SPAG1: variants seen among roughly 807,000 people sequenced by gnomAD.
SPAG1 encodes the protein sperm associated antigen 1.
In SPAG1, 69 loss-of-function variants were observed where a neutral mutation model predicts 100.5. The ratio of observed to expected loss-of-function variants is 0.69; its 90% CI spans 0.57 to 0.84. SPAG1 has a LOEUF of 0.84. Ranked by LOEUF, SPAG1 falls within the 40% of genes least tolerant of loss-of-function variation. The pLI, the probability that SPAG1 is intolerant of heterozygous loss-of-function variation, is 0.00. For synonymous variants in SPAG1, 336 were observed against 411.6 expected (o/e 0.82, Z 2.22); for missense variants, 955 against 1,133.1 (o/e 0.84, Z 2.26).
At chr8:100,180,818 A>G (rs1197350759) in intron 4 of SPAG1, among the ~76,000 whole-genome samples, 1 of 152,226 alleles carries the variant, frequency 6.6e-6, no homozygotes, top group Non-Finnish European at 1.5e-5. Context: ...CTTAGTCCAA[A>G]TCATTGACCT....
At chr8:100,198,738 T>C (rs1817140136) in intron 10 of SPAG1, among the ~76,000 whole-genome samples, 1 of 152,212 alleles carries the variant, frequency 6.6e-6, no homozygotes, top group African/African-American at 2.4e-5. Flanking sequence ...TTTCAGAACA[T>C]TTTTATCATC....
intron 10 of SPAG1, among the ~76,000 whole-genome samples, chr8:100,204,403 T>G (rs191307179): frequency 1.5e-4 from 23 of 152,198 alleles, no homozygotes; most frequent in Admixed American, 1.0e-3. Flanking sequence ...GAATGGATAT[T>G]AAGGGTGTGG....
At chr8:100,162,474 T>A in intron 2 of SPAG1, 54 bp downstream of exon 2, 2 of 1,369,142 alleles carry the variant, frequency 1.5e-6, no homozygotes, top group Non-Finnish European at 2.0e-6. Context: ...AATTATCTTG[T>A]TGTTACCTTC....
intron 1 of SPAG1, among the ~76,000 whole-genome samples, chr8:100,160,350 G>A (rs191404805): frequency 7.2e-5 from 11 of 152,246 alleles, no homozygotes; most frequent in Admixed American, 3.9e-4. Context: ...TACAGGGCAC[G>A]GCACGGTGGC....
intron 16 of SPAG1, among the ~76,000 whole-genome samples, chr8:100,237,966 T>C (rs1177673205): frequency 6.6e-6 from 1 of 152,188 alleles, no homozygotes; most frequent in Non-Finnish European, 1.5e-5. Context: ...CTTCTGGTCA[T>C]TGCTGTTGTG....
intron 4 of SPAG1, among the ~76,000 whole-genome samples, chr8:100,183,076 C>T (rs149284028): frequency 1.3e-5 from 2 of 152,112 alleles, no homozygotes; most frequent in Non-Finnish European, 2.9e-5. Flanking sequence ...CAGGTTCAAG[C>T]AATTCTCATG....
intron 10 of SPAG1, among the ~76,000 whole-genome samples, chr8:100,196,582 G>C (rs923098300): frequency 6.6e-6 from 1 of 152,102 alleles, no homozygotes; most frequent in Non-Finnish European, 1.5e-5. Flanking sequence ...GTTAAGTCCT[G>C]AGAATTCTTT....
chr8:100,240,963 C>A lies in SPAG1; in HGVS notation c.2722C>A (p.Pro908Thr). The A allele has an allele frequency of 6.2e-7, 1 of 1,612,472 alleles. No homozygotes were observed. The highest frequency in any genetic ancestry group is 8.5e-7 in the Non-Finnish European group (1 of 1,179,468). The change falls in exon 19 of 19, where the codon CCA (proline) becomes ACA (threonine). Residue 908 changes from proline (P) to threonine (T), a missense_variant. Pro to Thr is a conservative substitution (Grantham distance 38, BLOSUM62 -1). Coordinates refer to ENST00000388798, the MANE Select transcript of SPAG1 (RefSeq NM_003114.5). Reference sequence around the variant, plus strand: ...GCTGTTTGAGGACCTTTCGGACACACCAAACAACCATTTTACTTTAGAAGA... The same window carrying A: ...GCTGTTTGAGGACCTTTCGGACACAACAAACAACCATTTTACTTTAGAAGA... Reference protein sequence around the residue: ...EQLFEDLSDTPNNHFTLEDIQ... With the variant: ...EQLFEDLSDTTNNHFTLEDIQ...
chr8:100,200,398 A>T (rs936299880), intron 10 of SPAG1, among the ~76,000 whole-genome samples: 1 of 152,238 alleles, frequency 6.6e-6, no homozygotes, highest in Non-Finnish European at 1.5e-5. Context: ...ATAGTGCCAC[A>T]ATAAACATAC....
In SPAG1 at chr8:100,240,674, T is replaced by G; in HGVS notation, c.2552T>G (p.Leu851Arg). The change falls in exon 18 of 19, where the codon CTT becomes CGT. Residue 851 changes from leucine to arginine, a missense_variant. Coordinates refer to ENST00000388798, the MANE Select transcript of SPAG1 (RefSeq NM_003114.5). ...AACAAACTTGAAGGGGATACATTCCTTCTCCTCATTCAGTCTCTGAAAAAT... is the reference window on the plus strand; with the variant it reads ...AACAAACTTGAAGGGGATACATTCCGTCTCCTCATTCAGTCTCTGAAAAAT... ...LSNKLEGDTF[L>R]LLIQSLKNNL... 1 of 1,614,164 alleles carries G rather than the reference T, an allele frequency of 6.2e-7. No individual in the cohort carries two copies. Among genetic ancestry groups the G allele is most frequent in the Non-Finnish European group, 8.5e-7 (1 of 1,180,014 alleles).
intron 3 of SPAG1, among the ~76,000 whole-genome samples, chr8:100,171,416 G>A (rs1815844072): frequency 6.6e-6 from 1 of 152,096 alleles, no homozygotes; most frequent in Non-Finnish European, 1.5e-5. Context: ...TATATGATTG[G>A]TATTATTTCT....
intron 1 of SPAG1, among the ~76,000 whole-genome samples, chr8:100,161,650 T>C (rs1815311636): frequency 6.6e-6 from 1 of 152,084 alleles, no homozygotes; most frequent in Admixed American, 6.5e-5. Flanking sequence ...CAAACAAGTT[T>C]ATGGAGGGTC....
At chr8:100,177,183 C>CTA (rs1816168372) in intron 3 of SPAG1, among the ~76,000 whole-genome samples, 1 of 152,112 alleles carries the variant, frequency 6.6e-6, no homozygotes, top group South Asian at 2.1e-4. Flanking sequence ...CAGTATTACA[C>CTA]TAAACATCAT....
At chr8:100,193,162 A>G (rs1165895152) in intron 9 of SPAG1, among the ~76,000 whole-genome samples, 1 of 152,222 alleles carries the variant, frequency 6.6e-6, no homozygotes, top group Non-Finnish European at 1.5e-5. Context: ...TATTAGAAGA[A>G]TAAAAGACAA....
At position 100,173,366 on chromosome 8, in the gene SPAG1, TAA is replaced by T. The variant is rs565075235; in HGVS notation, c.301-4449_301-4448del. ...TCTTTCTCGCTCCCTTCCTCCTCTATAAGTCTTCCTCTTATCTTTTACCATTC... is the reference window on the plus strand; with the variant it reads ...TCTTTCTCGCTCCCTTCCTCCTCTATGTCTTCCTCTTATCTTTTACCATTC... On this transcript the variant is annotated intron_variant, in intron 3 of 18. Coordinates refer to ENST00000388798, the MANE Select transcript of SPAG1 (RefSeq NM_003114.5). Among the ~76,000 whole-genome samples, 3 of 152,268 alleles carry T rather than the reference TAA, an allele frequency of 2.0e-5. No individual in the cohort carries two copies. In the East Asian group the frequency reaches 5.8e-4, roughly 29 times the overall value.
In SPAG1 at chr8:100,214,143, G is replaced by A. The variant is rs183739807; in HGVS notation, c.1535+225G>A. ...ATTTCCACTGCTACCGCCCTAATTCGTGCTCTTTTCATATCACTCCTAGAC... is the reference window on the plus strand; with the variant it reads ...ATTTCCACTGCTACCGCCCTAATTCATGCTCTTTTCATATCACTCCTAGAC... On this transcript the variant is annotated intron_variant, in intron 12 of 18. Coordinates refer to ENST00000388798, the MANE Select transcript of SPAG1 (RefSeq NM_003114.5). Among the ~76,000 whole-genome samples, 308 of 152,246 alleles carry A rather than the reference G, an allele frequency of 2.0e-3. 4 individuals are homozygous for A. The highest frequency in any genetic ancestry group is 0.014 in the Admixed American group (209 of 15,302).
chr8:100,231,779 G>GA (rs1818779210), intron 15 of SPAG1, among the ~76,000 whole-genome samples: 1 of 152,130 alleles, frequency 6.6e-6, no homozygotes, highest in Non-Finnish European at 1.5e-5. Context: ...CTAACACGGT[G>GA]AAACCCCGTC....
At chr8:100,175,849 CTTG>C (rs1173490218) in intron 3 of SPAG1, among the ~76,000 whole-genome samples, 2 of 152,182 alleles carry the variant, frequency 1.3e-5, no homozygotes, top group African/African-American at 2.4e-5. Context: ...AAAAGGCCTT[CTTG>C]TTGTACAGCC....
At chr8:100,167,172 C>G (rs1250652072) in intron 3 of SPAG1, among the ~76,000 whole-genome samples, 6 of 151,892 alleles carry the variant, frequency 4.0e-5, no homozygotes. Context: ...AAAACAAAAA[C>G]AAACAAACAA....
Sources: allele counts gnomAD v4.1 joint callset (sites outside exome capture counted in the v4.1 genomes callset), GRCh38; gene constraint gnomAD v4.1.1; transcripts MANE v1.5; gene names NCBI Gene and HGNC (gene_info 2026-07-23, HGNC 2026-07-21).